Variants in KIAA1328 observed in about 807,000 individuals in gnomAD.
KIAA1328 encodes KIAA1328.
In KIAA1328, 52 loss-of-function variants were observed where a neutral mutation model predicts 68.1. That is an observed-to-expected ratio of 0.76 (90% confidence interval 0.61 to 0.96). The LOEUF (loss-of-function observed/expected upper bound fraction) is 0.96. KIAA1328 is among the 40% of genes least tolerant of loss of function. The probability of loss-of-function intolerance (pLI) is 0.00; values close to 1 mark genes in which losing one functional copy is unlikely to be tolerated. For synonymous variants in KIAA1328, 232 were observed against 239.4 expected, an observed-to-expected ratio of 0.97 and a Z score of 0.28; for missense variants, 641 against 677.6, an observed-to-expected ratio of 0.95 and a Z score of 0.60.
intron 7 of KIAA1328, among the ~76,000 whole-genome samples, chr18:37,095,371 A>G (rs1029605860): frequency 6.6e-6 from 1 of 152,246 alleles, no homozygotes; most frequent in Non-Finnish European, 1.5e-5. Context: ...TCAACATCAT[A>G]TGAAATATTT....
At chr18:37,060,375 C>T (rs1357116226) in intron 6 of KIAA1328, among the ~76,000 whole-genome samples, 1 of 151,928 alleles carries the variant, frequency 6.6e-6, no homozygotes, top group African/African-American at 2.4e-5. Context: ...TTCACATGAC[C>T]AAAAAGCATA....
chr18:37,186,507 C>T (rs931910679), intron 9 of KIAA1328, among the ~76,000 whole-genome samples: 26 of 137,368 alleles, frequency 1.9e-4, no homozygotes, highest in Non-Finnish European at 3.2e-4. Context: ...TTAGAGGCTG[C>T]AGTGAGCCAT....
At chr18:37,044,778 G>A (rs1352688603) in intron 6 of KIAA1328, among the ~76,000 whole-genome samples, 9 of 140,068 alleles carry the variant, frequency 6.4e-5, no homozygotes, top group African/African-American at 1.6e-4. Flanking sequence ...CAGCCTGGGC[G>A]ACAGAGTAAG....
At chr18:36,905,789 G>A (rs541164006) in intron 5 of KIAA1328, among the ~76,000 whole-genome samples, 23 of 152,162 alleles carry the variant, frequency 1.5e-4, no homozygotes, top group Non-Finnish European at 2.9e-4. Context: ...GGCAGATGGA[G>A]ATTGATGACC....
At chr18:36,845,463 A>G (rs2046996270) in intron 4 of KIAA1328, among the ~76,000 whole-genome samples, 1 of 151,744 alleles carries the variant, frequency 6.6e-6, no homozygotes, top group African/African-American at 2.4e-5. Flanking sequence ...TAATGGTCCT[A>G]CGTTGCCATT....
intron 3 of KIAA1328, among the ~76,000 whole-genome samples, chr18:36,843,926 T>A (rs1301875322): frequency 6.6e-6 from 1 of 152,158 alleles, no homozygotes; most frequent in Admixed American, 6.6e-5. Flanking sequence ...TTCTATGACA[T>A]TCACAAAGGG....
intron 5 of KIAA1328, among the ~76,000 whole-genome samples, chr18:36,955,596 C>T (rs2051378088): frequency 1.3e-5 from 2 of 152,068 alleles, no homozygotes; most frequent in Admixed American, 6.6e-5. Context: ...GCGTGAGCCA[C>T]CGCACCTGGC....
rs369437169 is a variant in KIAA1328 at position 36,860,483 on chromosome 18, C to T, written c.332+16181C>T. ...TTTTTCATTGTTGTTAAATGAACCT[C>T]TGGTTACCCTGGAGAATTGTAGTAT... On this transcript the variant is annotated intron_variant, in intron 4 of 9. Coordinates refer to ENST00000280020, the MANE Select transcript of KIAA1328 (RefSeq NM_020776.3). 1.2e-4 allele frequency among the ~76,000 whole-genome samples: 18 copies of T among 152,032 alleles called. 1 individual carries two copies. In the East Asian group the frequency reaches 1.7e-3, roughly 15 times the overall value.
chr18:37,076,133 C>T (rs1211872143), intron 7 of KIAA1328, among the ~76,000 whole-genome samples: 4 of 152,222 alleles, frequency 2.6e-5, no homozygotes, highest in African/African-American at 9.7e-5. Flanking sequence ...AACAAACTGT[C>T]TCTCAGACCA....
chr18:37,176,175 C>T (rs1367239216), intron 9 of KIAA1328, among the ~76,000 whole-genome samples: 1 of 152,180 alleles, frequency 6.6e-6, no homozygotes, highest in Non-Finnish European at 1.5e-5. Context: ...CACTTGGTGA[C>T]ACCCCAAATA....
At chr18:37,073,953 A>G (rs2056620319) in intron 7 of KIAA1328, among the ~76,000 whole-genome samples, 1 of 152,070 alleles carries the variant, frequency 6.6e-6, no homozygotes, top group African/African-American at 2.4e-5. Flanking sequence ...CATTCTGGAC[A>G]TTTTCAGTTT....
intron 6 of KIAA1328, among the ~76,000 whole-genome samples, chr18:37,045,972 A>G (rs2055454562): frequency 6.6e-6 from 1 of 152,200 alleles, no homozygotes; most frequent in Admixed American, 6.5e-5. Context: ...TTTTGCCAAA[A>G]AGAATTGTGT....
chr18:37,088,825 T>G (rs997807042), intron 7 of KIAA1328, among the ~76,000 whole-genome samples: 2 of 152,096 alleles, frequency 1.3e-5, no homozygotes, highest in African/African-American at 4.8e-5. Context: ...TTTAAAAAAT[T>G]TTTAATGTCA....
chr18:37,019,955 G>A (rs777198157), intron 6 of KIAA1328, among the ~76,000 whole-genome samples: 8 of 152,168 alleles, frequency 5.3e-5, no homozygotes, highest in Non-Finnish European at 1.2e-4. Flanking sequence ...ACACAGGAAG[G>A]GTGGGGGATG....
chr18:36,842,405 TC>T (rs1219357145), intron 3 of KIAA1328, among the ~76,000 whole-genome samples: 8 of 152,174 alleles, frequency 5.3e-5, no homozygotes, highest in African/African-American at 1.9e-4. Flanking sequence ...CCTTCTTTCT[TC>T]CTGGTCTTCA....
At chr18:37,163,259 A>G (rs1415891109) in intron 8 of KIAA1328, among the ~76,000 whole-genome samples, 1 of 152,204 alleles carries the variant, frequency 6.6e-6, no homozygotes, top group East Asian at 1.9e-4. Context: ...AGAGGCTGTG[A>G]AGCCACTGAG....
chr18:37,029,391 T>G (rs956031956), intron 6 of KIAA1328, among the ~76,000 whole-genome samples: 1 of 152,066 alleles, frequency 6.6e-6, no homozygotes, highest in African/African-American at 2.4e-5. Context: ...TTATTATTAT[T>G]GAGACAAGGT....
intron 9 of KIAA1328, among the ~76,000 whole-genome samples, chr18:37,203,297 A>C (rs1317380261): frequency 1.3e-5 from 2 of 152,044 alleles, no homozygotes; most frequent in Non-Finnish European, 2.9e-5. Context: ...TTTCATAAAC[A>C]TTTTATAAAC....
chr18:37,072,960 A>G (rs554288141), intron 7 of KIAA1328, among the ~76,000 whole-genome samples: 2 of 152,324 alleles, frequency 1.3e-5, no homozygotes, highest in East Asian at 3.9e-4. Flanking sequence ...CTGGCTAGCC[A>G]TATGCAGAAA....
Sources: allele counts gnomAD v4.1 joint callset (sites outside exome capture counted in the v4.1 genomes callset), GRCh38; gene constraint gnomAD v4.1.1; transcripts MANE v1.5; gene names NCBI Gene and HGNC (gene_info 2026-07-23, HGNC 2026-07-21).